TRRAP: variants seen among roughly 807,000 people sequenced by gnomAD.
TRRAP encodes the protein transformation/transcription domain-associated protein.
In TRRAP, 41 loss-of-function variants were observed where a neutral mutation model predicts 438.8. The observed-to-expected ratio is 0.09, with a 90% CI of 0.07 to 0.12. The LOEUF (loss-of-function observed/expected upper bound fraction) is 0.12. Among genes scored for constraint, TRRAP ranks in the 10% least tolerant of loss-of-function variants. TRRAP has a pLI of 1.00. For synonymous variants in TRRAP, 1,994 were observed against 1,962.9 expected (o/e 1.02, Z -0.42); for missense variants, 3,122 against 5,055.1 (o/e 0.62, Z 11.60).
intron 31 of TRRAP, 91 bp downstream of exon 31, chr7:98,943,108 C>G: frequency 1.5e-6 from 2 of 1,365,574 alleles, no homozygotes; most frequent in South Asian, 2.4e-5. Context: ...AAATGCCGGT[C>G]AGAAACCTAG....
chr7:98,889,810 C>T (rs188156679), intron 3 of TRRAP, among the ~76,000 whole-genome samples: 200 of 152,262 alleles, frequency 1.3e-3, no homozygotes, highest in African/African-American at 4.2e-3. Flanking sequence ...CTGCCTCGGC[C>T]TCCCAAAGTG....
At chr7:98,879,802 A>C (rs1554402731) in intron 1 of TRRAP, among the ~76,000 whole-genome samples, 2 of 152,170 alleles carry the variant, frequency 1.3e-5, no homozygotes, top group African/African-American at 4.8e-5. Context: ...TTTGGTGTCT[A>C]GGAGAGAGTG....
In TRRAP at chr7:98,976,098, G is replaced by A. The variant is rs1300250737; in HGVS notation, c.7840-51G>A. On this transcript the variant is annotated intron_variant, in intron 53 of 72. Coordinates refer to ENST00000456197, the MANE Select transcript of TRRAP (RefSeq NM_001375524.1). This position sits in a 1 kb window ranked among gnomAD's most constrained non-coding sequence, Gnocchi z 4.6. ...GGGTGTCTTCTGAGCGTGGTTGTGC[G>A]AGGCACCCCCAGCCCGTGGCCATCT... 3.7e-6 allele frequency: 6 copies of A among 1,605,336 alleles called. No individual in the cohort carries two copies. Among genetic ancestry groups the A allele is most frequent in the Admixed American group, 1.7e-5 (1 of 59,556 alleles).
At chr7:98,921,463 C>T (rs782118446) in intron 20 of TRRAP, among the ~76,000 whole-genome samples, 1 of 151,890 alleles carries the variant, frequency 6.6e-6, no homozygotes, top group African/African-American at 2.4e-5. Context: ...ACAACCTTCG[C>T]CTTCTGGGTT....
At position 98,945,934 on chromosome 7, in the gene TRRAP, C is replaced by T. The variant is rs1554416684; in HGVS notation, c.4532C>T (p.Ala1511Val). The change falls in exon 33 of 73, where the codon GCC (alanine) becomes GTC (valine). Residue 1511 changes from alanine (A) to valine (V), a missense_variant. By Grantham distance (64) the Ala-to-Val change is moderately conservative. This residue lies in a region of TRRAP where 108 missense variants were observed against 256.9 expected (regional missense o/e 0.42). Coordinates refer to ENST00000456197, the MANE Select transcript of TRRAP (RefSeq NM_001375524.1). ...PLSPFCQFEP[A>V]MEGVEEMKIC... Reference sequence around the variant, plus strand: ...GTAATTTTTGTTTTGGTTCAGCCTGCCATGGAAGGGGTAGAGGTGAGAACT... The same window carrying T: ...GTAATTTTTGTTTTGGTTCAGCCTGTCATGGAAGGGGTAGAGGTGAGAACT... 6.7e-7 allele frequency: 1 copy of T among 1,492,768 alleles called. No homozygotes were observed. Among genetic ancestry groups the T allele is most frequent in the Non-Finnish European group, 8.9e-7 (1 of 1,120,632 alleles). The allele number at this position is 1,492,768 out of a possible 1,614,324, so 92.5% of individuals were successfully genotyped here.
intron 35 of TRRAP, among the ~76,000 whole-genome samples, chr7:98,949,118 A>G (rs1285548257): frequency 1.3e-5 from 2 of 152,118 alleles, no homozygotes; most frequent in African/African-American, 4.8e-5. Context: ...CTGTAGTCCC[A>G]GCTCCTCAGG....
At chr7:98,895,863 C>A in intron 7 of TRRAP, 43 bp downstream of exon 7, 1 of 1,481,082 alleles carries the variant, frequency 6.8e-7, no homozygotes, top group Non-Finnish European at 9.2e-7. Flanking sequence ...TTTGTTTATA[C>A]TTCCTTATTC....
At chr7:98,917,304 T>G in intron 19 of TRRAP, 119 bp from the exon 20 acceptor site, 2 of 1,381,852 alleles carry the variant, frequency 1.4e-6, no homozygotes, top group Non-Finnish European at 2.0e-6. Flanking sequence ...GGCACAGAGG[T>G]CTCCCTGCAG....
intron 11 of TRRAP, among the ~76,000 whole-genome samples, chr7:98,903,005 G>A (rs1438440211): frequency 6.6e-6 from 1 of 151,702 alleles, no homozygotes; most frequent in Non-Finnish European, 1.5e-5. Context: ...GAAGTCGAGG[G>A]TCACTTGAGT....
At chr7:98,926,885 G>A (rs1554411660) in intron 22 of TRRAP, among the ~76,000 whole-genome samples, 1 of 152,130 alleles carries the variant, frequency 6.6e-6, no homozygotes, top group Admixed American at 6.5e-5. Context: ...TGGGCGTGGT[G>A]GTGGGCACCT....
At chr7:98,941,337 G>T (rs555758549) in intron 30 of TRRAP, among the ~76,000 whole-genome samples, 1 of 151,998 alleles carries the variant, frequency 6.6e-6, no homozygotes, top group Non-Finnish European at 1.5e-5. Context: ...CACCGTGCCC[G>T]GCTAGTTTTT....
intron 4 of TRRAP, among the ~76,000 whole-genome samples, chr7:98,892,146 T>C (rs1796008801): frequency 6.6e-6 from 1 of 152,232 alleles, no homozygotes; most frequent in African/African-American, 2.4e-5. Context: ...CCAGTGTCCG[T>C]TGGACTTACT....
intron 40 of TRRAP, among the ~76,000 whole-genome samples, chr7:98,953,675 T>C (rs781818451): frequency 5.6e-4 from 86 of 152,270 alleles, no homozygotes; most frequent in Non-Finnish European, 1.0e-3. Context: ...TATTGAATGG[T>C]GCGGAGTTTC....
chr7:98,941,276 A>T (rs1221200448), intron 30 of TRRAP, among the ~76,000 whole-genome samples: 1 of 152,162 alleles, frequency 6.6e-6, no homozygotes, highest in Non-Finnish European at 1.5e-5. Context: ...CCTGGGTTCA[A>T]GCAATCCTCC....
At position 98,917,079 on chromosome 7, in the gene TRRAP, GT is replaced by G. The variant is rs1462189985; in HGVS notation, c.2366-340del. 4.6e-5 allele frequency among the ~76,000 whole-genome samples: 7 copies of G among 152,188 alleles called. No individual in the cohort carries two copies. The East Asian group carries it at 1.4e-3, about 29-fold the overall frequency. On this transcript the variant is annotated intron_variant, in intron 19 of 72. Coordinates refer to ENST00000456197, the MANE Select transcript of TRRAP (RefSeq NM_001375524.1). ...CGCCATTTATAATACAAAAAAATTA[GT>G]TTTAAAAACTGTTTAGAGAATAGAC...
chr7:98,948,325 G>T lies in TRRAP; in HGVS notation c.4653G>T (p.Arg1551=), dbSNP rs35426979. The change falls in exon 34 of 73, where the codon CGG becomes CGT. Residue 1551 remains arginine, a synonymous_variant. Coordinates refer to ENST00000456197, the MANE Select transcript of TRRAP (RefSeq NM_001375524.1). This position sits in a 1 kb window ranked among gnomAD's most constrained non-coding sequence, Gnocchi z 4.9. ...TAGAGGTTGTCATGAAAACGGAGCG[G>T]GCGATGCTGATCGAGGTAAGGGCCA... ...PLLEVVMKTE[R]AMLIEAGSPF... is the part of the protein sequence containing the mutation. 1.1e-3 allele frequency: 1,808 copies of T among 1,614,170 alleles called. 20 individuals are homozygous for T. The African/African-American group carries it at 0.02, about 18-fold the overall frequency.
At position 98,964,788 on chromosome 7, in the gene TRRAP, C is replaced by A; in HGVS notation, c.6976+13C>A. The A allele has an allele frequency of 4.4e-6, 7 of 1,606,864 alleles. No individual in the cohort carries two copies. Among genetic ancestry groups the A allele is most frequent in the Non-Finnish European group, 6.0e-6 (7 of 1,176,266 alleles). Reference sequence around the variant, plus strand: ...GAAGCCACCTCAGGTGATGTGCTGGCCACCGGGGGCCTTTCCTCAGACTCT... The same window carrying A: ...GAAGCCACCTCAGGTGATGTGCTGGACACCGGGGGCCTTTCCTCAGACTCT... On this transcript the variant is annotated intron_variant, in intron 48 of 72. Coordinates refer to ENST00000456197, the MANE Select transcript of TRRAP (RefSeq NM_001375524.1).
Position 98,882,994 on chromosome 7 carries a change from G to A in TRRAP, c.150+970G>A, listed in dbSNP as rs190273628. 4.3e-4 allele frequency among the ~76,000 whole-genome samples: 66 copies of A among 152,318 alleles called. 2 individuals are homozygous for A. Among genetic ancestry groups the A allele is most frequent in the Admixed American group, 3.8e-3 (58 of 15,294 alleles). Reference sequence around the variant, plus strand: ...CAGATTTATGTTGTGAATTTGTTATGTTCAGGTAATTTGATGGTGTATTCT... The same window carrying A: ...CAGATTTATGTTGTGAATTTGTTATATTCAGGTAATTTGATGGTGTATTCT... On this transcript the variant is annotated intron_variant, in intron 3 of 72. Transcript: ENST00000456197.
Position 99,008,473 on chromosome 7 carries a change from A to G in TRRAP, c.10850A>G (p.Lys3617Arg). 1 of 1,614,138 alleles carries G rather than the reference A, an allele frequency of 6.2e-7. No individual in the cohort carries two copies. Among genetic ancestry groups the G allele is most frequent in the Non-Finnish European group, 8.5e-7 (1 of 1,180,014 alleles). ...LVEIYKQRCA[K>R]KGIEHDNPIS... ...GAGATCTACAAGCAGCGCTGCGCCA[A>G]GAAGGGCATCGAGCATGACAACCCC... The change falls in exon 70 of 73, where the codon AAG becomes AGG. Residue 3617 changes from lysine to arginine, a missense_variant. Physicochemically the swap from Lys to Arg is conservative, Grantham distance 26. Around this residue, in one of 24 missense-constraint regions of TRRAP, gnomAD observed 38 missense variants for 32.1 expected, o/e 1.18. Transcript: ENST00000456197.
Sources: allele counts gnomAD v4.1 joint callset (sites outside exome capture counted in the v4.1 genomes callset), GRCh38; gene constraint gnomAD v4.1.1; regional missense constraint gnomAD v4.1.1; non-coding constraint Gnocchi (gnomAD v3.1); transcripts MANE v1.5; gene names NCBI Gene and HGNC (gene_info 2026-07-23, HGNC 2026-07-21).